DCP1A: variants seen among roughly 807,000 people sequenced by gnomAD.
DCP1A encodes the protein decapping mRNA 1A.
Under a neutral mutation model 58.0 loss-of-function variants are expected in DCP1A, and 20 were observed. The observed-to-expected ratio is 0.34, with a 90% CI of 0.24 to 0.50. The LOEUF is 0.50. Among genes scored for constraint, DCP1A ranks in the 20% least tolerant of loss-of-function variants. The probability of loss-of-function intolerance (pLI) is 0.98; values close to 1 mark genes in which losing one functional copy is unlikely to be tolerated. For synonymous variants in DCP1A, 285 were observed against 275.1 expected (o/e 1.04, Z -0.36); for missense variants, 613 against 712.2 (o/e 0.86, Z 1.59).
At chr3:53,298,020 T>A (rs1707185873) in intron 6 of DCP1A, among the ~76,000 whole-genome samples, 1 of 152,286 alleles carries the variant, frequency 6.6e-6, no homozygotes, top group South Asian at 2.1e-4. Context: ...GAGTTTAAGA[T>A]CAGCCTGGTC....
chr3:53,315,335 C>G (rs79550721), intron 4 of DCP1A, among the ~76,000 whole-genome samples: 21,419 of 151,818 alleles, frequency 0.14, 1,688 homozygotes, highest in Non-Finnish European at 0.18. Context: ...GTCAGGAGTT[C>G]AAGGTCAGCC....
rs531041249 is a variant in DCP1A, at chr3:53,299,503, C to T, written c.624+4674G>A. 3.7e-4 allele frequency among the ~76,000 whole-genome samples: 57 copies of T among 152,282 alleles called. No individual in the cohort carries two copies. The South Asian group carries it at 0.011, about 29-fold the overall frequency. ...TTAATATGGTTCACTCCTCATCCCACGGAGAATTGATGTTTAGAGAATTTT... is the reference window on the plus strand; with the variant it reads ...TTAATATGGTTCACTCCTCATCCCATGGAGAATTGATGTTTAGAGAATTTT... On this transcript the variant is annotated intron_variant, in intron 6 of 9. Transcript: ENST00000610213.
intron 6 of DCP1A, among the ~76,000 whole-genome samples, chr3:53,294,191 G>C (rs1707035509): frequency 6.6e-6 from 1 of 152,222 alleles, no homozygotes; most frequent in African/African-American, 2.4e-5. Context: ...ACATGTCCAG[G>C]GGATGAGCCA....
At chr3:53,327,292 C>A (rs1015728072) in intron 3 of DCP1A, among the ~76,000 whole-genome samples, 3 of 152,172 alleles carry the variant, frequency 2.0e-5, no homozygotes, top group Non-Finnish European at 2.9e-5. Flanking sequence ...CTATAAGAGA[C>A]CTCAGGGTGT....
chr3:53,317,385 G>A (rs1484360257), intron 4 of DCP1A, among the ~76,000 whole-genome samples: 31 of 152,210 alleles, frequency 2.0e-4, no homozygotes, highest in Admixed American at 1.8e-3. Flanking sequence ...GGCTGGTCTC[G>A]CACTTCCAAT....
At chr3:53,332,473 T>C (rs1034677491) in intron 3 of DCP1A, among the ~76,000 whole-genome samples, 2 of 152,262 alleles carry the variant, frequency 1.3e-5, no homozygotes, top group African/African-American at 2.4e-5. Context: ...AACACATTTA[T>C]ATTTTTATTC....
At chr3:53,331,138 T>C (rs760107401) in intron 3 of DCP1A, among the ~76,000 whole-genome samples, 19 of 152,224 alleles carry the variant, frequency 1.2e-4, no homozygotes, top group African/African-American at 4.6e-4. Flanking sequence ...ATTATAGGCA[T>C]GAGTCACTGC....
intron 4 of DCP1A, among the ~76,000 whole-genome samples, chr3:53,317,556 GA>G (rs1410245086): frequency 6.6e-6 from 1 of 152,138 alleles, no homozygotes; most frequent in Non-Finnish European, 1.5e-5. Flanking sequence ...TGGCTATGTT[GA>G]AAAATGGTTT....
At chr3:53,296,680 AT>A (rs1707137964) in intron 6 of DCP1A, among the ~76,000 whole-genome samples, 1 of 152,232 alleles carries the variant, frequency 6.6e-6, no homozygotes, top group Admixed American at 6.5e-5. Context: ...TTTAAGGTTC[AT>A]CCGTGTTCCA....
Position 53,283,645 on chromosome 3 carries a change from A to G in DCP1A, c.*3935T>C, listed in dbSNP as rs1210263638. 1 of 152,234 alleles carries G rather than the reference A, an allele frequency of 6.6e-6. No homozygotes were observed. The highest frequency in any genetic ancestry group is 2.4e-5 in the African/African-American group (1 of 41,450). The allele number at this position is 152,234 out of a possible 1,614,324, so 9.4% of individuals were successfully genotyped here. On this transcript the variant is annotated 3_prime_UTR_variant, in exon 10 of 10. Transcript: ENST00000610213. ...TGTAATTCCAGAGCTTCTCGTCCCC[A>G]TGTTTCAGGGAGCTGAGAATCTGGT... is the stretch of plus-strand genomic sequence containing the variant.
intron 6 of DCP1A, among the ~76,000 whole-genome samples, chr3:53,298,524 TC>T (rs1246647022): frequency 6.6e-6 from 1 of 152,262 alleles, no homozygotes; most frequent in Non-Finnish European, 1.5e-5. Context: ...ATTACTCTAT[TC>T]ATCTGCTAGA....
chr3:53,318,721 A>C (rs1426932135), intron 4 of DCP1A, among the ~76,000 whole-genome samples: 4 of 152,246 alleles, frequency 2.6e-5, no homozygotes, highest in African/African-American at 7.2e-5. Context: ...ATAATTTTCT[A>C]AATTTCAAGG....
At chr3:53,305,359 T>C (rs1553687924) in intron 5 of DCP1A, among the ~76,000 whole-genome samples, 16 of 152,072 alleles carry the variant, frequency 1.1e-4, no homozygotes, top group Non-Finnish European at 2.9e-5. Context: ...TTTTTTCTTT[T>C]TTTTTTTTGA....
At chr3:53,321,932 C>T (rs1553690025) in intron 3 of DCP1A, among the ~76,000 whole-genome samples, 3 of 152,162 alleles carry the variant, frequency 2.0e-5, no homozygotes, top group African/African-American at 7.2e-5. Context: ...TTAAAAGGCA[C>T]ATTAAGAGGG....
At chr3:53,318,072 G>A (rs1001222) in intron 4 of DCP1A, among the ~76,000 whole-genome samples, 44,533 of 152,142 alleles carry the variant, frequency 0.29, 7,528 homozygotes, top group Admixed American at 0.39. Flanking sequence ...GGGAGGCCAA[G>A]GTGGGAGGAA....
chr3:53,292,054 C>A lies in DCP1A; in HGVS notation c.1383+15G>T. On this transcript the variant is annotated intron_variant, in intron 7 of 9. Coordinates refer to ENST00000610213, the MANE Select transcript of DCP1A (RefSeq NM_018403.7). ...CAGTTACCCACTCTGCCCACCCCCA[C>A]CCTCCTGCCATTACCTGAAGGGGAG... The A allele has an allele frequency of 2.5e-6, 4 of 1,595,526 alleles. No homozygotes were observed. The highest frequency in any genetic ancestry group is 3.4e-6 in the Non-Finnish European group (4 of 1,170,262).
At chr3:53,296,732 GT>G (rs1252682475) in intron 6 of DCP1A, among the ~76,000 whole-genome samples, 1 of 152,184 alleles carries the variant, frequency 6.6e-6, no homozygotes, top group African/African-American at 2.4e-5. Context: ...GCCGAATAAT[GT>G]TCCAATGCAT....
chr3:53,338,233 C>T (rs1553692169), intron 3 of DCP1A: 1 of 378,980 alleles, frequency 2.6e-6, no homozygotes, highest in Non-Finnish European at 5.4e-6. Flanking sequence ...TAATTCATTG[C>T]AATCCCACTG....
chr3:53,307,416 G>A (rs1553688199), intron 5 of DCP1A, among the ~76,000 whole-genome samples: 1 of 152,126 alleles, frequency 6.6e-6, no homozygotes, highest in African/African-American at 2.4e-5. Flanking sequence ...GGCTGTAAAT[G>A]ACCCTTTACA....
Sources: gnomAD v4.1 joint callset for allele counts (sites outside exome capture counted in the v4.1 genomes callset) on GRCh38, gnomAD v4.1.1 for gene constraint, MANE v1.5 for transcripts, NCBI Gene and HGNC (gene_info 2026-07-23, HGNC 2026-07-21) for gene names.